Variants in ST6GALNAC3 observed in about 807,000 individuals in gnomAD.
ST6GALNAC3 encodes the protein ST6 N-acetylgalactosaminide alpha-2,6-sialyltransferase 3.
Under a neutral mutation model 32.7 loss-of-function variants are expected in ST6GALNAC3, and 25 were observed. That is an observed-to-expected ratio of 0.76 (90% confidence interval 0.56 to 1.07). The LOEUF is 1.07. Ranked by LOEUF, ST6GALNAC3 falls within the 50% of genes least tolerant of loss-of-function variation. The pLI, the probability that ST6GALNAC3 is intolerant of heterozygous loss-of-function variation, is 0.00. For synonymous variants in ST6GALNAC3, 129 were observed against 133.1 expected, an observed-to-expected ratio of 0.97 and a Z score of 0.21; for missense variants, 355 against 382.4, an observed-to-expected ratio of 0.93 and a Z score of 0.60.
chr1:76,313,832 A>T lies in ST6GALNAC3; in HGVS notation c.46A>T (p.Ile16Leu), dbSNP rs772365455. 6.2e-7 allele frequency: 1 copy of T among 1,613,550 alleles called. No homozygotes were observed. The highest frequency in any genetic ancestry group is 8.5e-7 in the Non-Finnish European group (1 of 1,179,696). Residue 16 changes from isoleucine to leucine, a missense_variant, in exon 2 of 5, where the codon ATA becomes TTA. By Grantham distance (5) the Ile-to-Leu change is conservative. Transcript: ENST00000328299. Reference sequence around the variant, plus strand: ...AAAGTCTGTGATTGCTGTGAGCTTCATAGCAGCGTTCCTTTTCCTGCTGGT... The same window carrying T: ...AAAGTCTGTGATTGCTGTGAGCTTCTTAGCAGCGTTCCTTTTCCTGCTGGT... ...KRKSVIAVSF[I>L]AAFLFLLVVR...
At chr1:76,396,624 A>G (rs1652981558) in intron 2 of ST6GALNAC3, among the ~76,000 whole-genome samples, 1 of 152,216 alleles carries the variant, frequency 6.6e-6, no homozygotes, top group Non-Finnish European at 1.5e-5. Context: ...ATGAATTGCT[A>G]ATAAAAGCCA....
At chr1:76,569,005 C>T (rs1316076586) in intron 3 of ST6GALNAC3, among the ~76,000 whole-genome samples, 1 of 152,068 alleles carries the variant, frequency 6.6e-6, no homozygotes, top group Non-Finnish European at 1.5e-5. Context: ...CCCAGGCATA[C>T]CGAATGGCGT....
At chr1:76,266,023 A>G (rs982957390) in intron 1 of ST6GALNAC3, among the ~76,000 whole-genome samples, 1 of 152,206 alleles carries the variant, frequency 6.6e-6, no homozygotes, top group Non-Finnish European at 1.5e-5. Context: ...CACATTCTTC[A>G]TAAATTTCTG....
At chr1:76,529,166 T>C (rs1663098472) in intron 3 of ST6GALNAC3, among the ~76,000 whole-genome samples, 1 of 152,132 alleles carries the variant, frequency 6.6e-6, no homozygotes, top group African/African-American at 2.4e-5. Context: ...GAAATTCATG[T>C]GTTGAAGACA....
intron 1 of ST6GALNAC3, among the ~76,000 whole-genome samples, chr1:76,077,784 G>A (rs898012044): frequency 4.6e-5 from 7 of 152,174 alleles, no homozygotes; most frequent in African/African-American, 1.7e-4. Context: ...AGGTCAGAAA[G>A]CCCTTCCTGT....
At chr1:76,604,605 A>T (rs2100643783) in intron 3 of ST6GALNAC3, among the ~76,000 whole-genome samples, 1 of 152,164 alleles carries the variant, frequency 6.6e-6, no homozygotes, top group African/African-American at 2.4e-5. Flanking sequence ...GCAATCTATA[A>T]TCTGATCATT....
intron 3 of ST6GALNAC3, among the ~76,000 whole-genome samples, chr1:76,487,891 C>T (rs1466250000): frequency 6.6e-6 from 1 of 152,118 alleles, no homozygotes; most frequent in African/African-American, 2.4e-5. Context: ...TGGTGATGTA[C>T]AGATGGGGTT....
intron 3 of ST6GALNAC3, among the ~76,000 whole-genome samples, chr1:76,549,508 T>C (rs1262174091): frequency 6.6e-6 from 1 of 151,952 alleles, no homozygotes; most frequent in Non-Finnish European, 1.5e-5. Context: ...GGTCTATTTG[T>C]TTAACTACAT....
At chr1:76,289,891 A>C (rs185697630) in intron 1 of ST6GALNAC3, among the ~76,000 whole-genome samples, 2 of 152,280 alleles carry the variant, frequency 1.3e-5, no homozygotes, top group African/African-American at 4.8e-5. Flanking sequence ...AAGGGAACAG[A>C]GGGAGGAGGG....
At chr1:76,341,956 G>A (rs1648074310) in intron 2 of ST6GALNAC3, among the ~76,000 whole-genome samples, 1 of 151,876 alleles carries the variant, frequency 6.6e-6, no homozygotes, top group South Asian at 2.1e-4. Context: ...GAGAACATGT[G>A]GTGTTTGGTT....
chr1:76,182,283 C>T (rs866454183), intron 1 of ST6GALNAC3, among the ~76,000 whole-genome samples: 1 of 152,188 alleles, frequency 6.6e-6, no homozygotes, highest in Non-Finnish European at 1.5e-5. Flanking sequence ...GTACTCTTTG[C>T]ACTGGGCAGC....
At chr1:76,383,916 C>T (rs927766283) in intron 2 of ST6GALNAC3, among the ~76,000 whole-genome samples, 1 of 151,930 alleles carries the variant, frequency 6.6e-6, no homozygotes, top group Non-Finnish European at 1.5e-5. Context: ...TTAGATGTAA[C>T]AAACTAAGAG....
At chr1:76,571,985 T>C (rs1023442545) in intron 3 of ST6GALNAC3, among the ~76,000 whole-genome samples, 1 of 152,118 alleles carries the variant, frequency 6.6e-6, no homozygotes, top group Non-Finnish European at 1.5e-5. Context: ...ATAACATCAC[T>C]TTGTATCTTC....
At chr1:76,113,655 A>C (rs918574353) in intron 1 of ST6GALNAC3, among the ~76,000 whole-genome samples, 19 of 151,886 alleles carry the variant, frequency 1.3e-4, no homozygotes, top group African/African-American at 4.6e-4. Flanking sequence ...GCCAGAGGTT[A>C]TTTGACTGCT....
intron 1 of ST6GALNAC3, among the ~76,000 whole-genome samples, chr1:76,177,179 CT>C (rs1425060592): frequency 2.0e-5 from 3 of 152,048 alleles, no homozygotes; most frequent in Admixed American, 6.6e-5. Flanking sequence ...AAACAAAAGT[CT>C]TTTAAGAGCC....
intron 1 of ST6GALNAC3, among the ~76,000 whole-genome samples, chr1:76,076,719 AT>A (rs902414400): frequency 2.0e-5 from 3 of 152,200 alleles, no homozygotes; most frequent in African/African-American, 4.8e-5. Flanking sequence ...TATAACTATT[AT>A]TTTTTATAAA....
At chr1:76,421,286 G>A (rs962105808) in intron 3 of ST6GALNAC3, among the ~76,000 whole-genome samples, 5 of 152,050 alleles carry the variant, frequency 3.3e-5, no homozygotes, top group South Asian at 4.1e-4. Context: ...GAGAGACCAC[G>A]TCTTACTTTA....
chr1:76,602,309 T>A (rs1647270960), intron 3 of ST6GALNAC3, among the ~76,000 whole-genome samples: 1 of 151,942 alleles, frequency 6.6e-6, no homozygotes, highest in Non-Finnish European at 1.5e-5. Context: ...GAACGTGTGT[T>A]CATGCGCGCA....
At chr1:76,197,098 T>A (rs1411163355) in intron 1 of ST6GALNAC3, among the ~76,000 whole-genome samples, 1 of 152,368 alleles carries the variant, frequency 6.6e-6, no homozygotes, top group East Asian at 1.9e-4. Flanking sequence ...TTTACTCACC[T>A]GAACAATTTT....
Sources: allele counts gnomAD v4.1 joint callset (sites outside exome capture counted in the v4.1 genomes callset), GRCh38; gene constraint gnomAD v4.1.1; transcripts MANE v1.5; gene names NCBI Gene and HGNC (gene_info 2026-07-23, HGNC 2026-07-21).